COL11A1: variants seen among roughly 807,000 people sequenced by gnomAD.
The protein encoded by COL11A1 is collagen alpha-1(XI) chain.
A neutral mutation model predicts 265.2 loss-of-function variants in COL11A1; 74 were observed. The ratio of observed to expected loss-of-function variants is 0.28; its 90% CI spans 0.23 to 0.34. COL11A1 has a LOEUF of 0.34. Ranked by LOEUF, COL11A1 falls within the 10% of genes least tolerant of loss-of-function variation. The pLI, the probability that COL11A1 is intolerant of heterozygous loss-of-function variation, is 1.00. For synonymous variants in COL11A1, 816 were observed against 727.6 expected, an observed-to-expected ratio of 1.12 and a Z score of -1.96; for missense variants, 2,165 against 2,263.6, an observed-to-expected ratio of 0.96 and a Z score of 0.88.
intron 1 of COL11A1, among the ~76,000 whole-genome samples, chr1:103,095,577 A>G (rs992932132): frequency 6.6e-6 from 1 of 152,086 alleles, no homozygotes; most frequent in South Asian, 2.1e-4. Context: ...TAGTTGGCCC[A>G]GAATGTTGAA....
intron 24 of COL11A1, among the ~76,000 whole-genome samples, chr1:103,000,039 C>T (rs1036976781): frequency 1.3e-5 from 2 of 151,714 alleles, no homozygotes; most frequent in African/African-American, 4.8e-5. Context: ...TTCTTACCAC[C>T]GGAAATGCAG....
intron 28 of COL11A1, among the ~76,000 whole-genome samples, chr1:102,993,921 T>C (rs1367176068): frequency 2.0e-5 from 3 of 152,182 alleles, no homozygotes; most frequent in Non-Finnish European, 2.9e-5. Flanking sequence ...GCAGAACCCA[T>C]AGGGAGAGCC....
At chr1:102,946,355 C>T (rs1055258331) in intron 42 of COL11A1, among the ~76,000 whole-genome samples, 1 of 151,942 alleles carries the variant, frequency 6.6e-6, no homozygotes, top group Admixed American at 6.6e-5. Flanking sequence ...ATGTTAAAAT[C>T]CAATAGATAT....
chr1:102,915,007 C>T (rs184965616), intron 50 of COL11A1, among the ~76,000 whole-genome samples, 196 bp from the exon 51 acceptor site: 4 of 152,004 alleles, frequency 2.6e-5, no homozygotes, highest in African/African-American at 9.7e-5. Context: ...CAGGTTCAAG[C>T]GATTCTCCTG....
At chr1:103,069,934 G>C (rs1671446699) in intron 4 of COL11A1, among the ~76,000 whole-genome samples, 1 of 151,730 alleles carries the variant, frequency 6.6e-6, no homozygotes, top group Non-Finnish European at 1.5e-5. Flanking sequence ...ATAATGACTG[G>C]AACTCTCATA....
Position 102,898,196 on chromosome 1 carries a change from G to A in COL11A1, c.4249-18C>T. On this transcript the variant is annotated intron_variant, in intron 56 of 66. Coordinates refer to ENST00000370096, the MANE Select transcript of COL11A1 (RefSeq NM_001854.4). ...TGTTCTCCCTAGAGAAAATAAAAAT[G>A]ATTGATTTTTAAAATTAATAAAATA... 1 of 1,252,228 alleles carries A rather than the reference G, an allele frequency of 8.0e-7. No individual in the cohort carries two copies. The highest frequency in any genetic ancestry group is 1.0e-6 in the Non-Finnish European group (1 of 973,140). The allele number at this position is 1,252,228 out of a possible 1,614,324, so 77.6% of individuals were successfully genotyped here.
intron 42 of COL11A1, among the ~76,000 whole-genome samples, chr1:102,943,600 C>T (rs570118982): frequency 2.0e-5 from 3 of 152,172 alleles, no homozygotes; most frequent in African/African-American, 7.2e-5. Flanking sequence ...CACTACATCA[C>T]GTGGTAATCC....
intron 20 of COL11A1, 118 bp from the exon 21 acceptor site, chr1:103,003,386 T>C (rs1172073623): frequency 1.8e-6 from 2 of 1,085,680 alleles, no homozygotes; most frequent in Non-Finnish European, 1.4e-6. Context: ...GGACATCTTT[T>C]ATTAACACAC....
At chr1:103,042,298 G>A (rs1480696315) in intron 4 of COL11A1, among the ~76,000 whole-genome samples, 1 of 151,986 alleles carries the variant, frequency 6.6e-6, no homozygotes, top group Non-Finnish European at 1.5e-5. Context: ...TTTACTACCT[G>A]CTATATTCCA....
intron 4 of COL11A1, among the ~76,000 whole-genome samples, chr1:103,044,169 T>G (rs1421287911): frequency 6.6e-6 from 1 of 151,934 alleles, no homozygotes; most frequent in Non-Finnish European, 1.5e-5. Context: ...TCACCAGTTT[T>G]TTTTTTTTTC....
chr1:103,016,822 T>G (rs1571046102), intron 11 of COL11A1, among the ~76,000 whole-genome samples: 1 of 152,010 alleles, frequency 6.6e-6, no homozygotes, highest in East Asian at 1.9e-4. Context: ...GAAATAATTT[T>G]TTAAAATCCT....
chr1:102,938,491 A>G lies in COL11A1; in HGVS notation c.3438+544T>C, dbSNP rs2252081. ...GCATGTGACAGTATCATCATCTAAC[A>G]TATTTCATTTAAGAAGTAGGAACAT... On this transcript the variant is annotated intron_variant, in intron 44 of 66. Coordinates refer to ENST00000370096, the MANE Select transcript of COL11A1 (RefSeq NM_001854.4). Among the ~76,000 whole-genome samples the G allele has an allele frequency of 4.8e-3, 728 of 152,318 alleles. 8 individuals are homozygous for G. The highest frequency in any genetic ancestry group is 0.017 in the African/African-American group (704 of 41,576).
At chr1:103,073,021 T>C in intron 4 of COL11A1, among the ~76,000 whole-genome samples, 1 of 151,828 alleles carries the variant, frequency 6.6e-6, no homozygotes, top group East Asian at 1.9e-4. Flanking sequence ...ATGTTTTATT[T>C]AAAACTTCAT....
rs1649690509 is a variant in COL11A1, at chr1:102,877,927, C to A, written c.*92G>T. On this transcript the variant is annotated 3_prime_UTR_variant, in exon 67 of 67. Transcript: ENST00000370096. ...TGTATATGCAGCGTTGTTTTCTATA[C>A]CATCCTTATTCAAAACTTGCATGTG... 3 of 1,337,820 alleles carry A rather than the reference C, an allele frequency of 2.2e-6. No individual in the cohort carries two copies. Among genetic ancestry groups the A allele is most frequent in the Admixed American group, 1.7e-5 (1 of 59,208 alleles). The allele number at this position is 1,337,820 out of a possible 1,614,324, so 82.9% of individuals were successfully genotyped here. A position where few individuals can be genotyped will look rare whatever the true frequency, so the allele number is the denominator to read the frequency against.
At chr1:102,996,990 C>A in intron 26 of COL11A1, 90 bp downstream of exon 26, 3 of 1,036,598 alleles carry the variant, frequency 2.9e-6, no homozygotes, top group Non-Finnish European at 4.5e-6. Flanking sequence ...ACTATATGAA[C>A]GTGATTTATA....
intron 1 of COL11A1, among the ~76,000 whole-genome samples, chr1:103,090,322 A>C (rs894105100): frequency 8.5e-5 from 13 of 152,140 alleles, no homozygotes; most frequent in Non-Finnish European, 1.9e-4. Context: ...GTTCTCAGCC[A>C]TCTTCCACTC....
chr1:102,953,454 T>G (rs2101490947), intron 41 of COL11A1, among the ~76,000 whole-genome samples: 1 of 152,296 alleles, frequency 6.6e-6, no homozygotes, highest in African/African-American at 2.4e-5. Context: ...CAGGTTTTTG[T>G]CATGTTTACT....
At chr1:103,024,303 T>G (rs561795273) in intron 7 of COL11A1, among the ~76,000 whole-genome samples, 1 of 152,178 alleles carries the variant, frequency 6.6e-6, no homozygotes, top group African/African-American at 2.4e-5. Context: ...ATTCATTGAT[T>G]GATTTATTTG....
intron 57 of COL11A1, among the ~76,000 whole-genome samples, chr1:102,891,107 A>G (rs1651721753): frequency 6.6e-6 from 1 of 152,056 alleles, no homozygotes; most frequent in Non-Finnish European, 1.5e-5. Flanking sequence ...CTTCTAGGCC[A>G]TGGCCAATTT....
Sources: gnomAD v4.1 joint callset for allele counts (sites outside exome capture counted in the v4.1 genomes callset) on GRCh38, gnomAD v4.1.1 for gene constraint, MANE v1.5 for transcripts, NCBI Gene and HGNC (gene_info 2026-07-23, HGNC 2026-07-21) for gene names.